NR5A2: variants seen among roughly 807,000 people sequenced by gnomAD.
The protein encoded by NR5A2 is nuclear receptor subfamily 5 group A member 2, also known as CYP7A promoter-binding factor.
Under a neutral mutation model 62.7 loss-of-function variants are expected in NR5A2, and 26 were observed. That is an observed-to-expected ratio of 0.41 (90% CI 0.30 to 0.58). The LOEUF (loss-of-function observed/expected upper bound fraction) is 0.58, where lower values mean the gene tolerates loss of function less well. Among genes scored for constraint, NR5A2 ranks in the 20% least tolerant of loss-of-function variants. The pLI is 0.22. For synonymous variants in NR5A2, 246 were observed against 241.7 expected (o/e 1.02, Z -0.16); for missense variants, 541 against 669.1 (o/e 0.81, Z 2.11).
intron 7 of NR5A2, among the ~76,000 whole-genome samples, chr1:200,122,246 G>A (rs1174966924): frequency 6.6e-6 from 1 of 152,138 alleles, no homozygotes; most frequent in Non-Finnish European, 1.5e-5. Flanking sequence ...TGTTTAGAAT[G>A]TTAAAAAGGA....
chr1:200,043,360 G>A (rs1401247279), intron 2 of NR5A2, among the ~76,000 whole-genome samples: 1 of 152,210 alleles, frequency 6.6e-6, no homozygotes, highest in Non-Finnish European at 1.5e-5. Flanking sequence ...ACTTCAAGAG[G>A]GAGGGAATAA....
chr1:200,060,899 C>G (rs564050511), intron 5 of NR5A2, among the ~76,000 whole-genome samples: 4 of 141,158 alleles, frequency 2.8e-5, no homozygotes, highest in South Asian at 2.2e-4. Context: ...GTCAGGAGTT[C>G]GAGACCATCC....
At chr1:200,075,982 AG>A (rs1331179145) in intron 5 of NR5A2, among the ~76,000 whole-genome samples, 6 of 152,164 alleles carry the variant, frequency 3.9e-5, no homozygotes, top group African/African-American at 1.4e-4. Flanking sequence ...GATTTTAACA[AG>A]AAGCTAAACT....
chr1:200,145,961 AG>A (rs1667681959), intron 7 of NR5A2, among the ~76,000 whole-genome samples: 1 of 152,246 alleles, frequency 6.6e-6, no homozygotes, highest in Non-Finnish European at 1.5e-5. Flanking sequence ...GCTTTACTAA[AG>A]ATTCATTACC....
chr1:200,029,098 C>G (rs928566252), intron 1 of NR5A2: 24 of 446,158 alleles, frequency 5.4e-5, no homozygotes, highest in Non-Finnish European at 1.1e-4. Context: ...GCATCTTTTT[C>G]GTCGGGCAGA....
intron 7 of NR5A2, among the ~76,000 whole-genome samples, chr1:200,123,251 C>A (rs138377626): frequency 6.6e-6 from 1 of 152,300 alleles, no homozygotes; most frequent in Non-Finnish European, 1.5e-5. Context: ...CAGCAGTATT[C>A]TCCTGTGAGA....
At chr1:200,121,030 C>T (rs1407431133) in intron 7 of NR5A2, 75 bp downstream of exon 7, 5 of 1,518,078 alleles carry the variant, frequency 3.3e-6, no homozygotes, top group Non-Finnish European at 4.5e-6. Context: ...ATCTTGTGGT[C>T]CATGTATGTT....
Position 200,048,129 on chromosome 1 carries a change from T to G in NR5A2, c.464-43T>G. The G allele has an allele frequency of 1.3e-6, 2 of 1,521,978 alleles. No individual in the cohort carries two copies. Among genetic ancestry groups the G allele is most frequent in the South Asian group, 2.5e-5 (2 of 78,768 alleles). 94.3% of individuals were successfully genotyped at this position (1,521,978 alleles called of 1,614,324 possible). ...TGAAGAATGCTAATAATTTGCACCT[T>G]ATTTATACCTTTCCTTCCTTCCCCC... On this transcript the variant is annotated intron_variant, in intron 4 of 7. Transcript: ENST00000367362. This position sits in a 1 kb window ranked among gnomAD's most constrained non-coding sequence, Gnocchi z 4.8.
intron 1 of NR5A2, among the ~76,000 whole-genome samples, chr1:200,037,971 T>C (rs552433174): frequency 6.6e-6 from 1 of 152,344 alleles, no homozygotes; most frequent in African/African-American, 2.4e-5. Flanking sequence ...TCAAATAGAA[T>C]AAACTTAGAT....
At chr1:200,142,503 TTC>T (rs1360435063) in intron 7 of NR5A2, among the ~76,000 whole-genome samples, 2 of 151,802 alleles carry the variant, frequency 1.3e-5, no homozygotes, top group South Asian at 2.1e-4. Context: ...GCCTAAAGAC[TTC>T]TTTTTTTTAA....
chr1:200,103,122 C>CT (rs10655211), intron 5 of NR5A2, among the ~76,000 whole-genome samples: 1,491 of 106,584 alleles, frequency 0.014, 81 homozygotes, highest in African/African-American at 0.032. Context: ...ATGTAAAACT[C>CT]TTTTTTTTTT....
intron 5 of NR5A2, among the ~76,000 whole-genome samples, chr1:200,089,698 G>T (rs1432868215): frequency 1.3e-5 from 2 of 151,520 alleles, no homozygotes; most frequent in African/African-American, 2.4e-5. Context: ...TTGAACTCCT[G>T]GGCTCAAGGG....
intron 5 of NR5A2, among the ~76,000 whole-genome samples, chr1:200,095,522 C>T (rs1022355275): frequency 6.6e-6 from 1 of 152,048 alleles, no homozygotes; most frequent in Non-Finnish European, 1.5e-5. Flanking sequence ...TACTTGGTAT[C>T]TTCTAAGTAA....
intron 5 of NR5A2, among the ~76,000 whole-genome samples, chr1:200,091,665 A>G (rs560372466): frequency 1.2e-3 from 178 of 151,746 alleles, no homozygotes; most frequent in Non-Finnish European, 2.1e-3. Flanking sequence ...TTGTATTTTT[A>G]ATAGAGATCG....
chr1:200,104,874 G>A (rs1202931012), intron 5 of NR5A2, among the ~76,000 whole-genome samples: 1 of 152,176 alleles, frequency 6.6e-6, no homozygotes, highest in Admixed American at 6.5e-5. Flanking sequence ...TGTTGGCCAG[G>A]CTGGTCTCGA....
chr1:200,167,450 C>T (rs183408420), intron 7 of NR5A2, among the ~76,000 whole-genome samples: 6 of 152,176 alleles, frequency 3.9e-5, no homozygotes, highest in East Asian at 1.9e-4. Flanking sequence ...CCTCCTTGGC[C>T]GCCGTATTTC....
intron 2 of NR5A2, among the ~76,000 whole-genome samples, chr1:200,043,273 G>A (rs1243001107): frequency 6.6e-6 from 1 of 152,214 alleles, no homozygotes. Context: ...GGTTTCTGGG[G>A]CTTCAGTTTC....
At chr1:200,033,494 T>G (rs549067277) in intron 1 of NR5A2, among the ~76,000 whole-genome samples, 5 of 152,276 alleles carry the variant, frequency 3.3e-5, no homozygotes, top group African/African-American at 1.2e-4. Flanking sequence ...TCACGGTAAG[T>G]GCTGGATTCC....
chr1:200,042,543 C>T lies in NR5A2; in HGVS notation c.203-1231C>T, dbSNP rs540948353. 1.1e-3 allele frequency among the ~76,000 whole-genome samples: 168 copies of T among 152,328 alleles called. 1 individual carries two copies. Among genetic ancestry groups the T allele is most frequent in the African/African-American group, 3.9e-3 (164 of 41,582 alleles). ...GTGGCTTTCCATCCCCCACCTGCCC[C>T]ACCCCCTGCAAACGCCACTGATTAA... On this transcript the variant is annotated intron_variant, in intron 2 of 7. Coordinates refer to ENST00000367362, the MANE Select transcript of NR5A2 (RefSeq NM_205860.3).
Sources: gnomAD v4.1 joint callset for allele counts (sites outside exome capture counted in the v4.1 genomes callset) on GRCh38, gnomAD v4.1.1 for gene constraint, Gnocchi (gnomAD v3.1) non-coding constraint, MANE v1.5 for transcripts, NCBI Gene and HGNC (gene_info 2026-07-23, HGNC 2026-07-21) for gene names.